SLC71A2: variants seen among roughly 807,000 people sequenced by gnomAD.
SLC71A2 encodes solute carrier family 71 member 2, also known as hippocampus abundant transcript-like 1.
chr9:94,460,417 C>CTTTA, the SLC71A2 span: 1 of 152,594 alleles, frequency 6.6e-6, no homozygotes, highest in African/African-American at 2.4e-5. Context: ...TTCAATTCAT[C>CTTTA]TTTATTTCAA....
chr9:94,409,557 A>G, the SLC71A2 span, among the ~76,000 whole-genome samples: 3 of 152,140 alleles, frequency 2.0e-5, no homozygotes, highest in Admixed American at 6.6e-5. Context: ...AGTTTCTTAC[A>G]GTGGAAAGTT....
chr9:94,403,286 G>A, the SLC71A2 span, among the ~76,000 whole-genome samples: 4 of 151,994 alleles, frequency 2.6e-5, no homozygotes, highest in Non-Finnish European at 4.4e-5. Context: ...ACAGGCGCCC[G>A]CCACCACGCC....
the SLC71A2 span, among the ~76,000 whole-genome samples, chr9:94,383,725 G>T: frequency 2.0e-5 from 3 of 152,032 alleles, no homozygotes; most frequent in South Asian, 2.1e-4. Context: ...TTCTTTTGCC[G>T]TGAAGATCTG....
the SLC71A2 span, among the ~76,000 whole-genome samples, chr9:94,386,552 C>A: frequency 4.6e-5 from 7 of 152,096 alleles, 1 homozygote; most frequent in Admixed American, 4.6e-4. Flanking sequence ...CTGCTGAATT[C>A]TTGAAGTGGA....
At chr9:94,424,764 G>T in the SLC71A2 span, among the ~76,000 whole-genome samples, 1 of 114,520 alleles carries the variant, frequency 8.7e-6, no homozygotes, top group Admixed American at 1.0e-4. Flanking sequence ...CTTTGATTGA[G>T]AGTCTCACTC....
the SLC71A2 span, among the ~76,000 whole-genome samples, chr9:94,396,281 C>T: frequency 6.6e-6 from 1 of 151,216 alleles, no homozygotes; most frequent in African/African-American, 2.4e-5. Flanking sequence ...TTTGGGAGGC[C>T]GAGGCAGACG....
chr9:94,399,092 C>T, the SLC71A2 span, among the ~76,000 whole-genome samples: 1 of 152,174 alleles, frequency 6.6e-6, no homozygotes, highest in Non-Finnish European at 1.5e-5. Context: ...GCTAGGATTA[C>T]AGATGTGAGC....
At chr9:94,436,446 C>T in the SLC71A2 span, among the ~76,000 whole-genome samples, 16 of 152,258 alleles carry the variant, frequency 1.1e-4, no homozygotes, top group Non-Finnish European at 2.2e-4. Flanking sequence ...CCAGATGACA[C>T]TGTATGAACA....
At chr9:94,402,303 GAA>G in the SLC71A2 span, among the ~76,000 whole-genome samples, 14 of 152,128 alleles carry the variant, frequency 9.2e-5, no homozygotes, top group East Asian at 2.7e-3. Flanking sequence ...TCCAGAGACA[GAA>G]AAAGAATCTC....
the SLC71A2 span, among the ~76,000 whole-genome samples, chr9:94,423,967 G>A: frequency 6.6e-6 from 1 of 152,052 alleles, no homozygotes; most frequent in Non-Finnish European, 1.5e-5. Context: ...ACCTTAATTG[G>A]TTTATTGTTC....
At chr9:94,415,082 T>C in the SLC71A2 span, 2 of 1,127,380 alleles carry the variant, frequency 1.8e-6, no homozygotes, top group African/African-American at 1.6e-5. Context: ...TTTTTACACA[T>C]TTTTTTCTAT....
chr9:94,460,522 T>G, the SLC71A2 span: 7 of 152,640 alleles, frequency 4.6e-5, no homozygotes, highest in African/African-American at 1.4e-4. Flanking sequence ...AGTGTCTTGC[T>G]ATTTTTTGAG....
chr9:94,401,144 AAAG>A, the SLC71A2 span, among the ~76,000 whole-genome samples: 45 of 152,078 alleles, frequency 3.0e-4, no homozygotes, highest in African/African-American at 1.1e-3. Flanking sequence ...CTGCAATAGA[AAAG>A]AGGACCCTCA....
the SLC71A2 span, chr9:94,429,324 T>G: frequency 2.0e-6 from 3 of 1,497,358 alleles, no homozygotes; most frequent in Middle Eastern, 3.5e-4. Context: ...TCTGGAAGTT[T>G]TAGTGGGACT....
chr9:94,378,126 C>CAAAGACTCCATTTCCA, the SLC71A2 span, among the ~76,000 whole-genome samples: 2 of 141,452 alleles, frequency 1.4e-5, no homozygotes, highest in Non-Finnish European at 3.1e-5. Context: ...ACTCCATTTC[C>CAAAGACTCCATTTCCA]AAAAAAAAAA....
At chr9:94,425,758 G>A in the SLC71A2 span, among the ~76,000 whole-genome samples, 3 of 152,058 alleles carry the variant, frequency 2.0e-5, no homozygotes, top group Admixed American at 1.3e-4. Context: ...TAGTCTCCAG[G>A]CAAGAAGGAG....
At chr9:94,452,790 A>G in the SLC71A2 span, among the ~76,000 whole-genome samples, 3 of 150,436 alleles carry the variant, frequency 2.0e-5, no homozygotes, top group Admixed American at 6.7e-5. Flanking sequence ...GTGAGTAGAG[A>G]GCATTAACCA....
chr9:94,405,518 A>AT, the SLC71A2 span, among the ~76,000 whole-genome samples: 8 of 150,760 alleles, frequency 5.3e-5, no homozygotes, highest in Non-Finnish European at 1.2e-4. Context: ...AAAAAAAAAA[A>AT]GACTGGGCTT....
chr9:94,444,197 C>G, the SLC71A2 span, among the ~76,000 whole-genome samples: 2 of 152,100 alleles, frequency 1.3e-5, no homozygotes. Flanking sequence ...TCTGACCATC[C>G]AGATTGTGTT....
Sources: allele counts gnomAD v4.1 joint callset (sites outside exome capture counted in the v4.1 genomes callset), GRCh38; gene constraint gnomAD v4.1.1; transcripts MANE v1.5; gene names NCBI Gene and HGNC (gene_info 2026-07-23, HGNC 2026-07-21).